Variants in HDAC9 observed in about 807,000 individuals in gnomAD.
The protein encoded by HDAC9 is histone deacetylase 9.
Under a neutral mutation model 139.4 loss-of-function variants are expected in HDAC9, and 41 were observed. The ratio of observed to expected loss-of-function variants is 0.29; its 90% confidence interval spans 0.23 to 0.38. HDAC9 has a LOEUF of 0.38. Among genes scored for constraint, HDAC9 ranks in the 10% least tolerant of loss-of-function variants. The probability of loss-of-function intolerance (pLI) is 1.00; values close to 1 mark genes in which losing one functional copy is unlikely to be tolerated. For missense variants in HDAC9, 1,147 were observed against 1,297.0 expected (o/e 0.88, Z 1.78); for synonymous variants, 517 against 476.2 (o/e 1.09, Z -1.12).
intron 21 of HDAC9, among the ~76,000 whole-genome samples, chr7:18,866,351 G>A (rs994927007): frequency 4.6e-5 from 7 of 151,934 alleles, no homozygotes; most frequent in African/African-American, 1.7e-4. Context: ...TATTTATATA[G>A]TGTCTTGCCA....
At chr7:18,353,159 G>C (rs1433648054) in intron 1 of HDAC9, among the ~76,000 whole-genome samples, 2 of 152,000 alleles carry the variant, frequency 1.3e-5, no homozygotes, top group Admixed American at 6.6e-5. Flanking sequence ...TTATGATACA[G>C]GCATACAAAA....
At chr7:18,980,582 T>A (rs1012030136) in intron 25 of HDAC9, among the ~76,000 whole-genome samples, 1 of 152,226 alleles carries the variant, frequency 6.6e-6, no homozygotes, top group Non-Finnish European at 1.5e-5. Flanking sequence ...TAGTAAATAC[T>A]TGATAAAACT....
intron 1 of HDAC9, among the ~76,000 whole-genome samples, chr7:18,404,400 T>G (rs1419981996): frequency 6.6e-6 from 1 of 152,150 alleles, no homozygotes; most frequent in African/African-American, 2.4e-5. Context: ...AATGTCACAT[T>G]AGAAGAAGGA....
At chr7:18,451,919 A>G (rs1169063961) in intron 1 of HDAC9, among the ~76,000 whole-genome samples, 1 of 152,128 alleles carries the variant, frequency 6.6e-6, no homozygotes, top group East Asian at 1.9e-4. Context: ...ACAGCATGGC[A>G]ATGTCACCTA....
intron 1 of HDAC9, chr7:18,430,684 C>T (rs1329097380): frequency 6.6e-6 from 1 of 151,496 alleles, no homozygotes; most frequent in African/African-American, 2.4e-5. Context: ...TAGTTGGAGA[C>T]CAGCCTGGCC....
At chr7:18,669,199 A>G (rs1795510886) in intron 12 of HDAC9, among the ~76,000 whole-genome samples, 1 of 151,808 alleles carries the variant, frequency 6.6e-6, no homozygotes, top group Non-Finnish European at 1.5e-5. Context: ...ACTTTGCTCA[A>G]CTTAAAAAAT....
chr7:18,401,649 A>C lies in HDAC9; in HGVS notation c.-41-94613A>C, dbSNP rs772996103. On this transcript the variant is annotated intron_variant, in intron 1 of 3. Transcript: ENST00000413509. ...AACAACCTGCATTGGTTTTTGCCTC[A>C]GTTACATCATGTATAGAGTAAACTT... is the stretch of plus-strand genomic sequence containing the variant. Among the ~76,000 whole-genome samples the C allele has an allele frequency of 4.1e-4, 63 of 152,198 alleles. 1 individual carries two copies. The highest frequency in any genetic ancestry group is 5.3e-4 in the Non-Finnish European group (36 of 68,026).
At chr7:18,158,449 T>C (rs1268829140) in intron 1 of HDAC9, among the ~76,000 whole-genome samples, 1 of 152,186 alleles carries the variant, frequency 6.6e-6, no homozygotes, top group Non-Finnish European at 1.5e-5. Flanking sequence ...ATAGGCAATG[T>C]CTTGATGTTC....
At chr7:18,589,939 A>T (rs1225790552) in intron 3 of HDAC9, among the ~76,000 whole-genome samples, 2 of 152,184 alleles carry the variant, frequency 1.3e-5, no homozygotes, top group Non-Finnish European at 2.9e-5. Context: ...TAGGCTAAGA[A>T]TGGAAGATTT....
intron 2 of HDAC9, among the ~76,000 whole-genome samples, chr7:18,270,178 A>G (rs1796264724): frequency 1.3e-5 from 2 of 152,076 alleles, no homozygotes; most frequent in South Asian, 4.2e-4. Flanking sequence ...AATCCACTGT[A>G]ATAGACAGTG....
At chr7:18,631,209 A>G (rs1782226654) in intron 7 of HDAC9, among the ~76,000 whole-genome samples, 1 of 152,154 alleles carries the variant, frequency 6.6e-6, no homozygotes, top group Non-Finnish European at 1.5e-5. Context: ...CCTTAAATTT[A>G]AAATATATTT....
intron 16 of HDAC9, among the ~76,000 whole-genome samples, chr7:18,788,441 T>C (rs1181663903): frequency 6.6e-6 from 1 of 152,094 alleles, no homozygotes; most frequent in Non-Finnish European, 1.5e-5. Flanking sequence ...CACAGTTTAG[T>C]GTAGACATGA....
At chr7:18,580,164 G>A (rs903287303) in intron 2 of HDAC9, among the ~76,000 whole-genome samples, 30 of 152,232 alleles carry the variant, frequency 2.0e-4, no homozygotes, top group African/African-American at 5.5e-4. Flanking sequence ...AAAGCTAAAC[G>A]TGAATGTTCA....
intron 1 of HDAC9, among the ~76,000 whole-genome samples, chr7:18,330,477 A>G (rs1350590364): frequency 1.3e-5 from 2 of 151,630 alleles, no homozygotes; most frequent in Non-Finnish European, 3.0e-5. Context: ...ATTAGTCTGT[A>G]ATGTTGACTA....
chr7:18,584,199 A>G lies in HDAC9; in HGVS notation c.23-1082A>G, dbSNP rs189320377. 3.6e-3 allele frequency among the ~76,000 whole-genome samples: 466 copies of G among 129,198 alleles called. 4 individuals carry two copies. The highest frequency in any genetic ancestry group is 0.013 in the African/African-American group (443 of 33,828). 84.8% of individuals were successfully genotyped at this position (129,198 alleles called of 152,430 possible). A position where few individuals can be genotyped will look rare whatever the true frequency, so the allele number is the denominator to read the frequency against. ...TCTGTCACCCAGGCTGGAGTGCAGT[A>G]GCGAGATCTCGGCTCACTGCAAGCT... On this transcript the variant is annotated intron_variant, in intron 2 of 25. Transcript: ENST00000686413.
chr7:18,190,615 A>G (rs946568035), intron 2 of HDAC9, among the ~76,000 whole-genome samples: 2 of 152,222 alleles, frequency 1.3e-5, no homozygotes, highest in Non-Finnish European at 2.9e-5. Flanking sequence ...TGACCAGAAA[A>G]TAAGTTGGAG....
chr7:18,868,263 T>C (rs1415855043), intron 21 of HDAC9, among the ~76,000 whole-genome samples: 2 of 152,178 alleles, frequency 1.3e-5, no homozygotes, highest in African/African-American at 4.8e-5. Context: ...CCCACTTTAG[T>C]GTTAGCATTC....
intron 2 of HDAC9, among the ~76,000 whole-genome samples, chr7:18,579,005 A>G (rs147047534): frequency 3.9e-4 from 59 of 152,332 alleles, no homozygotes; most frequent in African/African-American, 1.3e-3. Context: ...AAGTACAGAA[A>G]CAATAGGATA....
At chr7:18,976,089 G>A in intron 25 of HDAC9, 136 bp downstream of exon 25, 1 of 785,608 alleles carries the variant, frequency 1.3e-6, no homozygotes, top group Non-Finnish European at 2.0e-6. Flanking sequence ...AGCCACAGAT[G>A]CCACAGCACA....
Sources: allele counts gnomAD v4.1 joint callset (sites outside exome capture counted in the v4.1 genomes callset), GRCh38; gene constraint gnomAD v4.1.1; transcripts MANE v1.5; gene names NCBI Gene and HGNC (gene_info 2026-07-23, HGNC 2026-07-21).